Variants in PCNX2 observed in about 807,000 individuals in gnomAD.
The protein encoded by PCNX2 is pecanex-like protein 2.
In PCNX2, 168 loss-of-function variants were observed where a neutral mutation model predicts 223.8. The ratio of observed to expected loss-of-function variants is 0.75; its 90% CI spans 0.66 to 0.85. The LOEUF is 0.85. Among genes scored for constraint, PCNX2 ranks in the 40% least tolerant of loss-of-function variants. PCNX2 has a pLI of 0.00. For missense variants in PCNX2, 2,507 were observed against 2,675.5 expected, an observed-to-expected ratio of 0.94 and a Z score of 1.39; for synonymous variants, 1,006 against 1,052.6, an observed-to-expected ratio of 0.96 and a Z score of 0.86.
intron 17 of PCNX2, among the ~76,000 whole-genome samples, chr1:233,166,833 T>C (rs987817714): frequency 1.3e-5 from 2 of 152,254 alleles, no homozygotes; most frequent in African/African-American, 4.8e-5. Context: ...GAAAATAATA[T>C]GGAAGTTCTA....
intron 17 of PCNX2, chr1:233,172,347 G>A (rs1344479432): frequency 1.3e-5 from 13 of 984,936 alleles, no homozygotes; most frequent in Non-Finnish European, 1.6e-5. Context: ...TTTCCAATTG[G>A]GTACCACGTT....
At chr1:233,075,737 AC>A (rs1237603383) in intron 23 of PCNX2, among the ~76,000 whole-genome samples, 15 of 150,842 alleles carry the variant, frequency 9.9e-5, no homozygotes, top group Admixed American at 2.6e-4. Context: ...ACACACACAC[AC>A]AACAGAAAAG....
intron 32 of PCNX2, among the ~76,000 whole-genome samples, chr1:232,994,490 G>C (rs1460400413): frequency 2.0e-5 from 3 of 152,216 alleles, no homozygotes; most frequent in African/African-American, 7.2e-5. Flanking sequence ...GCTCATAGGT[G>C]GAAGGGTCTT....
At chr1:233,306,434 T>C in the PCNX2 span, among the ~76,000 whole-genome samples, 3 of 152,174 alleles carry the variant, frequency 2.0e-5, no homozygotes, top group East Asian at 5.8e-4. Context: ...TGAAGCCCCA[T>C]CTAAAATTTG....
chr1:233,056,636 T>C (rs1672201282), intron 24 of PCNX2, among the ~76,000 whole-genome samples: 1 of 152,202 alleles, frequency 6.6e-6, no homozygotes. Context: ...ATGAGCACGA[T>C]ACAATTGTTC....
intron 13 of PCNX2, among the ~76,000 whole-genome samples, chr1:233,207,699 T>G (rs1192019641): frequency 6.6e-6 from 1 of 152,224 alleles, no homozygotes; most frequent in Non-Finnish European, 1.5e-5. Flanking sequence ...GTGGCAAAGC[T>G]GGGATTCAAA....
chr1:233,284,515 C>G (rs1416185470), intron 1 of PCNX2, among the ~76,000 whole-genome samples: 1 of 152,116 alleles, frequency 6.6e-6, no homozygotes, highest in Non-Finnish European at 1.5e-5. Flanking sequence ...GCCAAGATTC[C>G]ATCTCCCATC....
intron 32 of PCNX2, among the ~76,000 whole-genome samples, chr1:232,997,323 T>C (rs1669911246): frequency 6.6e-6 from 1 of 152,252 alleles, no homozygotes; most frequent in Admixed American, 6.5e-5. Flanking sequence ...CTTGCTCATG[T>C]TTGCATACAT....
At chr1:233,211,718 A>C in intron 12 of PCNX2, 2 of 946,462 alleles carry the variant, frequency 2.1e-6, no homozygotes, top group Non-Finnish European at 2.5e-6. Context: ...GGAGGCATGC[A>C]TGTGGCACTG....
intron 24 of PCNX2, among the ~76,000 whole-genome samples, chr1:233,055,940 C>T (rs1166743092): frequency 1.3e-5 from 2 of 152,126 alleles, no homozygotes; most frequent in African/African-American, 4.8e-5. Flanking sequence ...CACCAATCCA[C>T]CTCTAAGAAA....
At position 233,219,778 on chromosome 1, in the gene PCNX2, C is replaced by T. The variant is rs138031303; in HGVS notation, c.2505-1594G>A. Among the ~76,000 whole-genome samples, 606 of 152,232 alleles carry T rather than the reference C, an allele frequency of 4.0e-3. 2 individuals carry two copies. The highest frequency in any genetic ancestry group is 6.4e-3 in the Non-Finnish European group (435 of 68,026). On this transcript the variant is annotated intron_variant, in intron 10 of 33. Transcript: ENST00000258229. Reference sequence around the variant, plus strand: ...ACATCAACTGATGAACCAACATTAACACATCATTATCCATCAGTATCACCC... The same window carrying T: ...ACATCAACTGATGAACCAACATTAATACATCATTATCCATCAGTATCACCC...
intron 26 of PCNX2, among the ~76,000 whole-genome samples, chr1:233,017,442 C>T (rs1413923968): frequency 6.6e-6 from 1 of 151,678 alleles, no homozygotes; most frequent in Non-Finnish European, 1.5e-5. Context: ...CTCAGCCTCC[C>T]AAGTAGCTGG....
intron 8 of PCNX2, among the ~76,000 whole-genome samples, chr1:233,250,272 A>AT (rs34237556): frequency 0.63 from 95,000 of 151,258 alleles, 29,761 homozygotes; most frequent in African/African-American, 0.67. Context: ...TCATCAACTA[A>AT]TTAATATCAG....
Position 233,259,344 on chromosome 1 carries a change from C to T in PCNX2, c.518G>A (p.Gly173Asp), listed in dbSNP as rs538743474. The change falls in exon 5 of 34, where the codon GGT (glycine) becomes GAT (aspartate). Residue 173 changes from glycine to aspartate, a missense_variant and splice_region_variant. Around this residue, in one of 3 missense-constraint regions of PCNX2, gnomAD observed 1,031 missense variants for 1,021.7 expected, o/e 1.01. Coordinates refer to ENST00000258229, the MANE Select transcript of PCNX2 (RefSeq NM_014801.4). ...GGGATGGTCTTCTAATAGAATGACA[C>T]CTGAAATGACACATGGCAACTTTAT... ...SAQETVEDLK[G>D]VILLEDHPIA... 38 of 1,602,722 alleles carry T rather than the reference C, an allele frequency of 2.4e-5. No individual in the cohort carries two copies. The highest frequency in any genetic ancestry group is 3.4e-5 in the Admixed American group (2 of 58,810).
At chr1:233,283,430 T>C (rs939402810) in intron 1 of PCNX2, among the ~76,000 whole-genome samples, 1 of 152,200 alleles carries the variant, frequency 6.6e-6, no homozygotes, top group Non-Finnish European at 1.5e-5. Flanking sequence ...GTGAAATGGC[T>C]GATTCTTCCA....
chr1:233,044,280 T>C lies in PCNX2; in HGVS notation c.4351+9988A>G, dbSNP rs559223743. Among the ~76,000 whole-genome samples, 768 of 152,344 alleles carry C rather than the reference T, an allele frequency of 5.0e-3. 2 individuals carry two copies. Among genetic ancestry groups the C allele is most frequent in the Non-Finnish European group, 8.7e-3 (592 of 68,040 alleles). On this transcript the variant is annotated intron_variant, in intron 25 of 33. Coordinates refer to ENST00000258229, the MANE Select transcript of PCNX2 (RefSeq NM_014801.4). Reference sequence around the variant, plus strand: ...GTTTGTTTTTTTCTTGTAAATTTGTTTGAGTTCATTGTAGATTCTGGATAT... The same window carrying C: ...GTTTGTTTTTTTCTTGTAAATTTGTCTGAGTTCATTGTAGATTCTGGATAT...
At chr1:233,022,121 A>G (rs1025607496) in intron 26 of PCNX2, among the ~76,000 whole-genome samples, 2 of 152,080 alleles carry the variant, frequency 1.3e-5, no homozygotes, top group Admixed American at 6.5e-5. Context: ...TGTCTGGCTC[A>G]TGGAAAGGCA....
In PCNX2 at chr1:233,295,263, G is replaced by A. The variant is rs1662011762; in HGVS notation, c.153+63C>T. 5 of 1,549,634 alleles carry A rather than the reference G, an allele frequency of 3.2e-6. No individual in the cohort carries two copies. The highest frequency in any genetic ancestry group is 1.2e-5 in the South Asian group (1 of 84,056). On this transcript the variant is annotated intron_variant, in intron 1 of 33. Coordinates refer to ENST00000258229, the MANE Select transcript of PCNX2 (RefSeq NM_014801.4). This position sits in a 1 kb window ranked among gnomAD's most constrained non-coding sequence, Gnocchi z 4.1. ...CCCGTGAGGCTGATGGCACGTCTGT[G>A]GTTCCTTTCTCCTTCTTCCCTCCAT... is the stretch of plus-strand genomic sequence containing the variant.
intron 23 of PCNX2, among the ~76,000 whole-genome samples, chr1:233,067,770 A>C (rs1424633328): frequency 6.6e-6 from 1 of 152,144 alleles, no homozygotes. Flanking sequence ...GCAGTGCCTG[A>C]CCAATAACTA....
Sources: gnomAD v4.1 joint callset for allele counts (sites outside exome capture counted in the v4.1 genomes callset) on GRCh38, gnomAD v4.1.1 for gene constraint, gnomAD v4.1.1 regional missense constraint, Gnocchi (gnomAD v3.1) non-coding constraint, MANE v1.5 for transcripts, NCBI Gene and HGNC (gene_info 2026-07-23, HGNC 2026-07-21) for gene names.